LEF1: variants seen among roughly 807,000 people sequenced by gnomAD.
LEF1 encodes the protein lymphoid enhancer binding factor 1, also known as lymphoid enhancer-binding factor 1.
In LEF1, 14 loss-of-function variants were observed where a neutral mutation model predicts 51.2. The ratio of observed to expected loss-of-function variants is 0.27; its 90% CI spans 0.18 to 0.43. The LOEUF (loss-of-function observed/expected upper bound fraction) is 0.43. Ranked by LOEUF, LEF1 falls within the 20% of genes least tolerant of loss-of-function variation. LEF1 has a pLI of 1.00. For synonymous variants in LEF1, 185 were observed against 183.2 expected (o/e 1.01, Z -0.08); for missense variants, 386 against 512.0 (o/e 0.75, Z 2.37).
rs1741565753 is a variant in LEF1 at position 108,112,044 on chromosome 4, CT to C, written c.415-22788del. ...CTAATTCCCCTACAAGGCTCAGCAG[CT>C]AGTGATCTGAGTATGCAAAGAGCTC... is the stretch of plus-strand genomic sequence containing the variant. On this transcript the variant is annotated intron_variant, in intron 3 of 11. Transcript: ENST00000265165. Among the ~76,000 whole-genome samples the C allele has an allele frequency of 3.3e-5, 5 of 152,294 alleles. No homozygotes were observed. The South Asian group carries it at 1.0e-3, about 32-fold the overall frequency.
intron 3 of LEF1, among the ~76,000 whole-genome samples, chr4:108,092,935 A>AAAAAAC (rs1740133077): frequency 6.7e-6 from 1 of 148,512 alleles, no homozygotes; most frequent in Non-Finnish European, 1.5e-5. Flanking sequence ...AAAAAAAAAA[A>AAAAAAC]AAAAAAAAAA....
rs1739677389 is a variant in LEF1, at chr4:108,086,829, T to TATACACACAC, written c.547+2295_547+2296insGTGTGTGTAT. ...GTACTGTCCCTTACACACACACACT[T>TATACACACAC]ACACACACACACACACACACGTGAA... is the stretch of plus-strand genomic sequence containing the variant. On this transcript the variant is annotated intron_variant, in intron 4 of 11. Coordinates refer to ENST00000265165, the MANE Select transcript of LEF1 (RefSeq NM_016269.5). 7.4e-5 allele frequency among the ~76,000 whole-genome samples: 11 copies of TATACACACAC among 149,428 alleles called. No individual in the cohort carries two copies. The South Asian group carries it at 2.3e-3, about 32-fold the overall frequency.
At chr4:108,066,006 G>A (rs555011736) in intron 9 of LEF1, among the ~76,000 whole-genome samples, 6 of 152,230 alleles carry the variant, frequency 3.9e-5, no homozygotes, top group African/African-American at 1.2e-4. Flanking sequence ...AGGTTCAAGC[G>A]ATGTTCCTGC....
intron 3 of LEF1, among the ~76,000 whole-genome samples, chr4:108,137,792 C>T (rs1002034176): frequency 2.6e-5 from 4 of 152,136 alleles, no homozygotes; most frequent in African/African-American, 9.7e-5. Flanking sequence ...GAATTGCACA[C>T]TCATAGACTC....
intron 11 of LEF1, among the ~76,000 whole-genome samples, chr4:108,057,086 G>T (rs905475743): frequency 5.3e-5 from 8 of 151,990 alleles, no homozygotes; most frequent in African/African-American, 1.7e-4. Context: ...CTCCCTAGAT[G>T]CAGGCTTCCT....
At position 108,089,237 on chromosome 4, in the gene LEF1, C is replaced by T. The variant is rs1739851248; in HGVS notation, c.435G>A (p.Val145=). The T allele has an allele frequency of 1.2e-6, 2 of 1,613,788 alleles. No homozygotes were observed. The highest frequency in any genetic ancestry group is 1.7e-6 in the Non-Finnish European group (2 of 1,179,930). Residue 145 remains valine, a synonymous_variant, in exon 4 of 12, where the codon GTG becomes GTA. Coordinates refer to ENST00000265165, the MANE Select transcript of LEF1 (RefSeq NM_016269.5). The part of the protein sequence containing the change: ...IPRTSNKVPV[V]QPSHAVHPLT... ...GAGGATGGACCGCATGGGATGGCTGCACCACGGGCACTTTATTTGACTGCA... is the reference window on the plus strand; with the variant it reads ...GAGGATGGACCGCATGGGATGGCTGTACCACGGGCACTTTATTTGACTGCA...
chr4:108,071,007 GTCAA>G (rs890416651), intron 8 of LEF1: 13 of 369,408 alleles, frequency 3.5e-5, no homozygotes, highest in Non-Finnish European at 6.4e-5. Context: ...ACACATCAAA[GTCAA>G]TCAAAGTGTT....
At chr4:108,070,348 A>C (rs2126274424) in intron 9 of LEF1, 1 of 189,562 alleles carries the variant, frequency 5.3e-6, no homozygotes, top group African/African-American at 2.3e-5. Flanking sequence ...ATAAGTAGTT[A>C]TTACTAATGT....
intron 11 of LEF1, among the ~76,000 whole-genome samples, chr4:108,051,256 T>G (rs1375813293): frequency 2.6e-5 from 4 of 151,208 alleles, no homozygotes; most frequent in Non-Finnish European, 5.9e-5. Context: ...CAGGGACTAG[T>G]GCTTAAAAAA....
At chr4:108,158,437 C>G (rs6817603) in intron 3 of LEF1, among the ~76,000 whole-genome samples, 1 of 144,716 alleles carries the variant, frequency 6.9e-6, no homozygotes, top group Non-Finnish European at 1.5e-5. Context: ...AGAGAGAGAG[C>G]GCGCAACCTT....
At chr4:108,097,185 C>T (rs962601310) in intron 3 of LEF1, among the ~76,000 whole-genome samples, 6 of 152,202 alleles carry the variant, frequency 3.9e-5, no homozygotes, top group Non-Finnish European at 7.3e-5. Flanking sequence ...TTGGAATCAA[C>T]CTCAGTGTCC....
chr4:108,119,180 C>T (rs2110330480), intron 3 of LEF1, among the ~76,000 whole-genome samples: 1 of 148,266 alleles, frequency 6.7e-6, no homozygotes, highest in Non-Finnish European at 1.5e-5. Context: ...GATAAAAGTT[C>T]AACATCAGGT....
intron 3 of LEF1, among the ~76,000 whole-genome samples, chr4:108,116,382 C>T (rs1027412086): frequency 2.0e-5 from 3 of 152,100 alleles, no homozygotes; most frequent in Non-Finnish European, 4.4e-5. Context: ...GTTAGCTGGG[C>T]GTGGTGGCAC....
chr4:108,124,977 CT>C (rs1742431561), intron 3 of LEF1, among the ~76,000 whole-genome samples: 2 of 152,132 alleles, frequency 1.3e-5, no homozygotes, highest in African/African-American at 4.8e-5. Flanking sequence ...GAAATGACCT[CT>C]CTACTAAAAG....
intron 9 of LEF1, among the ~76,000 whole-genome samples, chr4:108,068,052 C>G (rs111352848): frequency 0.012 from 1,772 of 151,182 alleles, 11 homozygotes; most frequent in African/African-American, 0.022. Context: ...CGGATCACCT[C>G]AGGTCAGGAG....
At chr4:108,161,908 T>A (rs1163159462) in intron 3 of LEF1, among the ~76,000 whole-genome samples, 1 of 152,106 alleles carries the variant, frequency 6.6e-6, no homozygotes, top group Non-Finnish European at 1.5e-5. Flanking sequence ...CTTCAAATAT[T>A]CCTTATCTAA....
At position 108,048,720 on chromosome 4, in the gene LEF1, T is replaced by C; in HGVS notation, c.*38A>G. Reference sequence around the variant, plus strand: ...GAGGTCCTGGGGTCGCTGCCTTGGCTTTGCACGTTGGGAATGAGCTTCGTT... The same window carrying C: ...GAGGTCCTGGGGTCGCTGCCTTGGCCTTGCACGTTGGGAATGAGCTTCGTT... On this transcript the variant is annotated 3_prime_UTR_variant, in exon 12 of 12. Transcript: ENST00000265165. 1.2e-6 allele frequency: 2 copies of C among 1,609,642 alleles called. No homozygotes were observed. The highest frequency in any genetic ancestry group is 1.7e-6 in the Non-Finnish European group (2 of 1,177,692).
At chr4:108,109,890 C>T (rs1226114827) in intron 3 of LEF1, among the ~76,000 whole-genome samples, 1 of 152,154 alleles carries the variant, frequency 6.6e-6, no homozygotes, top group Non-Finnish European at 1.5e-5. Flanking sequence ...ACAAAATACA[C>T]ACCTGCCCAG....
At chr4:108,087,032 G>C (rs2110262416) in intron 4 of LEF1, among the ~76,000 whole-genome samples, 1 of 152,274 alleles carries the variant, frequency 6.6e-6, no homozygotes, top group Admixed American at 6.5e-5. Context: ...GGAAGATACA[G>C]CTAACTAGTC....
Sources: gnomAD v4.1 joint callset for allele counts (sites outside exome capture counted in the v4.1 genomes callset) on GRCh38, gnomAD v4.1.1 for gene constraint, MANE v1.5 for transcripts, NCBI Gene and HGNC (gene_info 2026-07-23, HGNC 2026-07-21) for gene names.